MDGA2: variants seen among roughly 807,000 people sequenced by gnomAD.
MDGA2 encodes MAM domain-containing glycosylphosphatidylinositol anchor protein 2.
A neutral mutation model predicts 117.8 loss-of-function variants in MDGA2; 40 were observed. The ratio of observed to expected loss-of-function variants is 0.34; its 90% CI spans 0.26 to 0.44. The LOEUF is 0.44. Among genes scored for constraint, MDGA2 ranks in the 20% least tolerant of loss-of-function variants. The probability of loss-of-function intolerance (pLI) is 1.00; values close to 1 mark genes in which losing one functional copy is unlikely to be tolerated. For missense variants in MDGA2, 1,123 were observed against 1,250.6 expected, an observed-to-expected ratio of 0.90 and a Z score of 1.54; for synonymous variants, 452 against 439.0, an observed-to-expected ratio of 1.03 and a Z score of -0.37.
chr14:47,319,596 A>C (rs1889918140), intron 1 of MDGA2, among the ~76,000 whole-genome samples: 1 of 152,126 alleles, frequency 6.6e-6, no homozygotes, highest in African/African-American at 2.4e-5. Context: ...ACCTGATAAA[A>C]ATTATCAAAG....
At chr14:47,631,699 C>A (rs879393161) in intron 1 of MDGA2, among the ~76,000 whole-genome samples, 1 of 152,074 alleles carries the variant, frequency 6.6e-6, no homozygotes, top group Non-Finnish European at 1.5e-5. Context: ...ATTTTCATTG[C>A]TGCAACACTG....
At chr14:47,594,235 C>A (rs1186089596) in intron 1 of MDGA2, among the ~76,000 whole-genome samples, 3 of 152,060 alleles carry the variant, frequency 2.0e-5, no homozygotes, top group African/African-American at 7.2e-5. Flanking sequence ...AGTAGGTGGT[C>A]ATACTGTTAA....
At chr14:47,237,780 A>C (rs1176766094) in intron 2 of MDGA2, among the ~76,000 whole-genome samples, 1 of 151,976 alleles carries the variant, frequency 6.6e-6, no homozygotes, top group East Asian at 1.9e-4. Flanking sequence ...ACTTTCTTCT[A>C]CTACTCTAAA....
chr14:47,285,534 T>C (rs1258415098), intron 2 of MDGA2, among the ~76,000 whole-genome samples: 2 of 152,138 alleles, frequency 1.3e-5, no homozygotes, highest in Admixed American at 6.5e-5. Context: ...TTAAACTGTG[T>C]GCTGTTGTCA....
rs577925965 is a variant in MDGA2, at chr14:47,230,858, C to T, written c.421-12663G>A. On this transcript the variant is annotated intron_variant, in intron 2 of 16. Transcript: ENST00000399232. ...TTCATGTAAGTAGCCCAATTTAGGA[C>T]CAATGAATCAGAGAGCATTAACAGT... 1.3e-3 allele frequency among the ~76,000 whole-genome samples: 195 copies of T among 151,948 alleles called. 3 individuals carry two copies. The highest frequency in any genetic ancestry group is 3.4e-3 in the Middle Eastern group (1 of 294).
chr14:46,879,639 A>T (rs1489293053), intron 11 of MDGA2, among the ~76,000 whole-genome samples: 1 of 152,126 alleles, frequency 6.6e-6, no homozygotes, highest in Non-Finnish European at 1.5e-5. Context: ...AAAATCTCTT[A>T]AGGAAAGTCA....
intron 3 of MDGA2, among the ~76,000 whole-genome samples, chr14:47,168,132 C>G (rs1231475866): frequency 6.6e-6 from 1 of 151,996 alleles, no homozygotes; most frequent in African/African-American, 2.4e-5. Flanking sequence ...TATTTGACAA[C>G]TGCCTTCCCT....
intron 8 of MDGA2, among the ~76,000 whole-genome samples, chr14:46,993,704 G>A (rs190564934): frequency 1.2e-3 from 188 of 152,154 alleles, no homozygotes; most frequent in African/African-American, 4.1e-3. Flanking sequence ...CAACCGATCC[G>A]CCAATCTCGG....
intron 1 of MDGA2, among the ~76,000 whole-genome samples, chr14:47,303,297 A>G (rs1307460574): frequency 1.3e-5 from 2 of 152,172 alleles, no homozygotes; most frequent in Admixed American, 1.3e-4. Context: ...TAAAGTAACT[A>G]AACTTTCTGC....
At chr14:47,136,541 T>A (rs1882467475) in intron 4 of MDGA2, among the ~76,000 whole-genome samples, 1 of 152,198 alleles carries the variant, frequency 6.6e-6, no homozygotes, top group Non-Finnish European at 1.5e-5. Flanking sequence ...TTCTGATCCA[T>A]CCTCTAAAAG....
At chr14:47,139,312 T>G (rs892515559) in intron 4 of MDGA2, among the ~76,000 whole-genome samples, 1 of 152,084 alleles carries the variant, frequency 6.6e-6, no homozygotes, top group African/African-American at 2.4e-5. Flanking sequence ...TTTGGAGACA[T>G]TGTCTTTCTT....
Position 46,874,112 on chromosome 14 carries a change from T to C in MDGA2, c.2526A>G (p.Thr842=). 1.3e-6 allele frequency: 2 copies of C among 1,557,374 alleles called. No homozygotes were observed. The highest frequency in any genetic ancestry group is 1.7e-6 in the Non-Finnish European group (2 of 1,153,452). ...TDNFDWTKQS[T]ATRNTKYTPN... is the part of the protein sequence containing the mutation. Reference sequence around the variant, plus strand: ...GAGTATATTTTGTATTTCTTGTTGCTGTACTTTGCTTTGTCCAGTCAAAAT... The same window carrying C: ...GAGTATATTTTGTATTTCTTGTTGCCGTACTTTGCTTTGTCCAGTCAAAAT... The change falls in exon 13 of 17, where the codon ACA becomes ACG. Residue 842 remains threonine, a synonymous_variant. Transcript: ENST00000399232.
At chr14:47,490,477 CT>C (rs1327647425) in intron 1 of MDGA2, among the ~76,000 whole-genome samples, 1 of 152,058 alleles carries the variant, frequency 6.6e-6, no homozygotes, top group Non-Finnish European at 1.5e-5. Flanking sequence ...TTTAATAACT[CT>C]TTGAGGACTA....
intron 2 of MDGA2, among the ~76,000 whole-genome samples, chr14:47,241,989 A>G (rs1887057382): frequency 6.6e-6 from 1 of 151,898 alleles, no homozygotes; most frequent in Admixed American, 6.6e-5. Context: ...TTGTGAAGAA[A>G]AAATGAGATG....
At chr14:47,337,550 G>C (rs1373989645) in intron 1 of MDGA2, among the ~76,000 whole-genome samples, 2 of 151,966 alleles carry the variant, frequency 1.3e-5, no homozygotes, top group Admixed American at 1.3e-4. Flanking sequence ...AAGAGGAGAG[G>C]CACTTTAAAA....
intron 1 of MDGA2, among the ~76,000 whole-genome samples, chr14:47,511,563 A>G (rs1894641414): frequency 6.6e-6 from 1 of 152,190 alleles, no homozygotes; most frequent in Admixed American, 6.5e-5. Flanking sequence ...GGAAACAGTT[A>G]ATGTGCAAGA....
chr14:46,980,461 C>A (rs1325824792), intron 8 of MDGA2, among the ~76,000 whole-genome samples: 1 of 152,130 alleles, frequency 6.6e-6, no homozygotes, highest in Non-Finnish European at 1.5e-5. Context: ...GAAATTACCA[C>A]GAAGGATTTA....
chr14:46,997,993 T>G (rs997879298), intron 8 of MDGA2, among the ~76,000 whole-genome samples: 9 of 152,102 alleles, frequency 5.9e-5, no homozygotes, highest in Admixed American at 5.9e-4. Flanking sequence ...TGAAGACTTT[T>G]GAATAATCCT....
chr14:47,173,181 C>T lies in MDGA2; in HGVS notation c.596-28907G>A, dbSNP rs754655599. Among the ~76,000 whole-genome samples the T allele has an allele frequency of 6.6e-5, 10 of 152,148 alleles. No homozygotes were observed. In the East Asian group the frequency reaches 1.7e-3, roughly 26 times the overall value. On this transcript the variant is annotated intron_variant, in intron 3 of 16. Transcript: ENST00000399232. The stretch of plus-strand genomic sequence containing the variant: ...ACCAAATCTACGTCTGATTGGTGTA[C>T]GTGAAAGTGACGGGGAGAATGGAAC...
Sources: allele counts gnomAD v4.1 joint callset (sites outside exome capture counted in the v4.1 genomes callset), GRCh38; gene constraint gnomAD v4.1.1; transcripts MANE v1.5; gene names NCBI Gene and HGNC (gene_info 2026-07-23, HGNC 2026-07-21).